The following KANK4 variants were observed in gnomAD, a reference collection of about 807,000 sequenced individuals.
KANK4 encodes KN motif and ankyrin repeat domain-containing protein 4.
KANK4 carries 50 observed loss-of-function variants against 80.8 expected under a neutral mutation model. The ratio of observed to expected loss-of-function variants is 0.62; its 90% CI spans 0.49 to 0.78. The LOEUF is 0.78. KANK4 is among the 30% of genes least tolerant of loss of function. The pLI is 0.00. For synonymous variants in KANK4, 465 were observed against 506.9 expected, an observed-to-expected ratio of 0.92 and a Z score of 1.11; for missense variants, 1,196 against 1,240.1, an observed-to-expected ratio of 0.96 and a Z score of 0.53.
At chr1:62,311,047 C>T (rs918463329) in intron 1 of KANK4, among the ~76,000 whole-genome samples, 7 of 151,878 alleles carry the variant, frequency 4.6e-5, no homozygotes, top group Admixed American at 2.0e-4. Context: ...AAGGAACTGG[C>T]GTGAGAACAA....
At chr1:62,263,054 G>A (rs1390407675) in intron 7 of KANK4, 38 bp downstream of exon 7, 6 of 1,505,762 alleles carry the variant, frequency 4.0e-6, no homozygotes, top group Middle Eastern at 1.9e-4. Context: ...TGCTCTTCAA[G>A]GAGGGACCCA....
intron 1 of KANK4, among the ~76,000 whole-genome samples, chr1:62,287,326 C>G (rs933538075): frequency 1.3e-5 from 2 of 152,208 alleles, no homozygotes; most frequent in African/African-American, 4.8e-5. Flanking sequence ...TCCTTCGCCT[C>G]CTGGTGCTCT....
At chr1:62,241,561 G>A (rs1266622300) in intron 9 of KANK4, among the ~76,000 whole-genome samples, 1 of 152,232 alleles carries the variant, frequency 6.6e-6, no homozygotes, top group Non-Finnish European at 1.5e-5. Context: ...GTTGGCACCT[G>A]GCCCAGGGCC....
At chr1:62,301,569 T>C (rs1445841819) in intron 1 of KANK4, among the ~76,000 whole-genome samples, 2 of 151,930 alleles carry the variant, frequency 1.3e-5, no homozygotes, top group African/African-American at 4.8e-5. Flanking sequence ...AGATTAAGGG[T>C]GTGGGCTTTG....
intron 1 of KANK4, among the ~76,000 whole-genome samples, chr1:62,302,717 G>A (rs182759188): frequency 2.1e-4 from 32 of 152,236 alleles, no homozygotes; most frequent in East Asian, 7.7e-4. Context: ...ATCTGCCAGC[G>A]CTTTGACCCA....
chr1:62,268,301 G>GT lies in KANK4; in HGVS notation c.2216dup (p.His739GlnfsTer8). On this transcript the variant is annotated frameshift_variant, in exon 5 of 10. Transcript: ENST00000371153. LOFTEE classifies it high-confidence loss of function. ...CATTTGCTCACCTCTCGGCCTTGGA[G>GT]TGGGGGACTTCTTCCCCAGGCCCAC... is the stretch of plus-strand genomic sequence containing the variant. 1.2e-6 allele frequency: 2 copies of GT among 1,613,490 alleles called. No homozygotes were observed. Among genetic ancestry groups the GT allele is most frequent in the Non-Finnish European group, 1.7e-6 (2 of 1,179,802 alleles).
intron 7 of KANK4, among the ~76,000 whole-genome samples, chr1:62,260,595 C>A (rs1421676395): frequency 2.0e-5 from 3 of 152,180 alleles, no homozygotes; most frequent in African/African-American, 7.2e-5. Flanking sequence ...TGTCGCTTTG[C>A]TCCTTCCACT....
chr1:62,288,246 A>G (rs888151699), intron 1 of KANK4, among the ~76,000 whole-genome samples: 3 of 152,152 alleles, frequency 2.0e-5, no homozygotes, highest in Non-Finnish European at 4.4e-5. Context: ...TCCTTTTGCA[A>G]TTTAGAAATG....
chr1:62,296,916 C>T (rs139998045), intron 1 of KANK4, among the ~76,000 whole-genome samples: 49 of 151,950 alleles, frequency 3.2e-4, no homozygotes, highest in African/African-American at 1.2e-3. Context: ...AAAACTAGGG[C>T]TTAATAATAC....
chr1:62,317,554 G>C (rs1441845214), intron 1 of KANK4, among the ~76,000 whole-genome samples: 1 of 152,200 alleles, frequency 6.6e-6, no homozygotes, highest in African/African-American at 2.4e-5. Flanking sequence ...CTGCCCATTT[G>C]GGCCCCTGGT....
At chr1:62,282,766 C>T (rs1407552747) in intron 1 of KANK4, among the ~76,000 whole-genome samples, 1 of 152,218 alleles carries the variant, frequency 6.6e-6, no homozygotes, top group Non-Finnish European at 1.5e-5. Context: ...CCAGACAGGC[C>T]TTGCCCTATC....
At chr1:62,315,626 G>A (rs536302099) in intron 1 of KANK4, among the ~76,000 whole-genome samples, 6 of 152,116 alleles carry the variant, frequency 3.9e-5, no homozygotes, top group East Asian at 1.9e-4. Context: ...GAGTCCCCCC[G>A]CCCACAGATG....
At chr1:62,286,255 C>T (rs1235566354) in intron 1 of KANK4, among the ~76,000 whole-genome samples, 1 of 152,238 alleles carries the variant, frequency 6.6e-6, no homozygotes, top group African/African-American at 2.4e-5. Flanking sequence ...GTCTCCTTCC[C>T]AGAAAGCCAG....
intron 9 of KANK4, among the ~76,000 whole-genome samples, chr1:62,243,313 C>A (rs1671388430): frequency 6.6e-6 from 1 of 151,582 alleles, no homozygotes; most frequent in Non-Finnish European, 1.5e-5. Flanking sequence ...TTCTCAATTG[C>A]AGCACTATTG....
At chr1:62,251,991 C>CAAAA (rs11454026) in intron 8 of KANK4, among the ~76,000 whole-genome samples, 1 of 125,794 alleles carries the variant, frequency 7.9e-6, no homozygotes, top group East Asian at 2.3e-4. Context: ...GACTCCGTTT[C>CAAAA]AAAAAAAAAA....
At chr1:62,244,242 C>G in intron 9 of KANK4, among the ~76,000 whole-genome samples, 1 of 151,410 alleles carries the variant, frequency 6.6e-6, no homozygotes, top group Non-Finnish European at 1.5e-5. Context: ...GTCACCCAGA[C>G]AGGTGTTTCC....
intron 4 of KANK4, 71 bp downstream of exon 4, chr1:62,271,407 A>G (rs753660099): frequency 6.9e-6 from 7 of 1,012,254 alleles, no homozygotes; most frequent in Non-Finnish European, 1.1e-5. Context: ...CCCCTAGGAA[A>G]AGAGAGTGCA....
chr1:62,259,745 A>ATTATAT (rs532249574), intron 7 of KANK4, among the ~76,000 whole-genome samples: 2,140 of 148,560 alleles, frequency 0.014, 45 homozygotes, highest in African/African-American at 0.05. Flanking sequence ...TATTATATAA[A>ATTATAT]TTATAATTAT....
intron 3 of KANK4, 108 bp from the exon 4 acceptor site, chr1:62,271,697 G>C (rs1557486842): frequency 6.3e-6 from 5 of 798,352 alleles, no homozygotes; most frequent in Non-Finnish European, 8.7e-6. Flanking sequence ...GTGTGGAGAG[G>C]TAAGGAGGGA....
Sources: allele counts gnomAD v4.1 joint callset (sites outside exome capture counted in the v4.1 genomes callset), GRCh38; gene constraint gnomAD v4.1.1; transcripts MANE v1.5; gene names NCBI Gene and HGNC (gene_info 2026-07-23, HGNC 2026-07-21).